Variants in KLHL40 observed in about 807,000 individuals in gnomAD.
The protein encoded by KLHL40 is kelch like family member 40.
Under a neutral mutation model 49.7 loss-of-function variants are expected in KLHL40, and 44 were observed. The observed-to-expected ratio is 0.89, with a 90% CI of 0.70 to 1.14. KLHL40 has a LOEUF of 1.14. KLHL40 is among the 50% of genes most tolerant of loss of function. The pLI is 0.00. For synonymous variants in KLHL40, 409 were observed against 365.2 expected, an observed-to-expected ratio of 1.12 and a Z score of -1.37; for missense variants, 892 against 850.3, an observed-to-expected ratio of 1.05 and a Z score of -0.61.
chr3:42,691,848 C>T (rs753074874), intron 5 of KLHL40, 34 bp from the exon 6 acceptor site: 3 of 1,409,116 alleles, frequency 2.1e-6, no homozygotes, highest in Non-Finnish European at 3.0e-6. Context: ...TGACCAAGCT[C>T]TCCATCCTTG....
chr3:42,686,037 G>C lies in KLHL40; in HGVS notation c.419G>C (p.Gly140Ala), dbSNP rs1403829228. Residue 140 changes from glycine (G) to alanine (A), a missense_variant, in exon 1 of 6, where the codon GGC becomes GCC. By Grantham distance (60) the Gly-to-Ala change is moderately conservative. Coordinates refer to ENST00000287777, the MANE Select transcript of KLHL40 (RefSeq NM_152393.4). Reference protein sequence around the residue: ...LSNCLAVFRLGLLLDCARLAV... With the variant: ...LSNCLAVFRLALLLDCARLAV... The stretch of plus-strand genomic sequence containing the variant: ...AACTGCTTGGCCGTCTTCCGTCTCG[G>C]CCTCCTGCTCGACTGCGCGCGTCTC... The C allele has an allele frequency of 6.2e-7, 1 of 1,608,268 alleles. No homozygotes were observed. The highest frequency in any genetic ancestry group is 1.3e-5 in the African/African-American group (1 of 74,916).
At chr3:42,686,883 G>A (rs541059292) in intron 1 of KLHL40, 113 bp downstream of exon 1, 14 of 929,972 alleles carry the variant, frequency 1.5e-5, no homozygotes, top group Non-Finnish European at 2.2e-5. Flanking sequence ...CTGGGTCTAG[G>A]GTGAGATGTA....
chr3:42,686,207 G>A lies in KLHL40; in HGVS notation c.589G>A (p.Ala197Thr). Reference sequence around the variant, plus strand: ...GGAGAAGGAGGAGGCAGTGTTCGAGGCGGTGATGCGGTGGGCGGGTAGCGG... The same window carrying A: ...GGAGAAGGAGGAGGCAGTGTTCGAGACGGTGATGCGGTGGGCGGGTAGCGG... ...NVEKEEAVFE[A>T]VMRWAGSGDA... The change falls in exon 1 of 6, where the codon GCG (alanine) becomes ACG (threonine). Residue 197 changes from alanine to threonine, a missense_variant. Transcript: ENST00000287777. 6.4e-7 allele frequency: 1 copy of A among 1,566,210 alleles called. No homozygotes were observed. The highest frequency in any genetic ancestry group is 8.6e-7 in the Non-Finnish European group (1 of 1,159,282).
chr3:42,686,863 G>A, intron 1 of KLHL40, 93 bp downstream of exon 1: 1 of 1,111,354 alleles, frequency 9.0e-7, no homozygotes, highest in Non-Finnish European at 1.3e-6. Context: ...GTCTACACAA[G>A]TGAATGCCAC....
In KLHL40 at chr3:42,685,703, C is replaced by A. The variant is rs370340355; in HGVS notation, c.85C>A (p.His29Asn). Residue 29 changes from histidine (H) to asparagine (N), a missense_variant, in exon 1 of 6, where the codon CAT becomes AAT. By Grantham distance (68) the His-to-Asn change is moderately conservative. Transcript: ENST00000287777. The part of the protein sequence containing the change: ...LQDGLKDMLD[H>N]GKFLDCVVRA... The stretch of plus-strand genomic sequence containing the variant: ...AGACGGGCTCAAAGACATGCTGGAC[C>A]ATGGCAAGTTCCTCGACTGTGTGGT... The A allele has an allele frequency of 6.2e-7, 1 of 1,613,244 alleles. No individual in the cohort carries two copies. The highest frequency in any genetic ancestry group is 1.1e-5 in the South Asian group (1 of 91,080).
chr3:42,690,841 C>A lies in KLHL40; in HGVS notation c.1608-18C>A. The stretch of plus-strand genomic sequence containing the variant: ...TTGCCGAGGCATCCCAATGATGCAC[C>A]TTCTCACACACCCCCAGGTGGGCAC... On this transcript the variant is annotated intron_variant, in intron 4 of 5. Coordinates refer to ENST00000287777, the MANE Select transcript of KLHL40 (RefSeq NM_152393.4). The A allele has an allele frequency of 3.2e-6, 5 of 1,579,648 alleles. No individual in the cohort carries two copies. Among genetic ancestry groups the A allele is most frequent in the Non-Finnish European group, 3.4e-6 (4 of 1,162,732 alleles).
In KLHL40 at chr3:42,686,271, C is replaced by T. The variant is rs1023047173; in HGVS notation, c.653C>T (p.Pro218Leu). The change falls in exon 1 of 6, where the codon CCC becomes CTC. Residue 218 changes from proline to leucine, a missense_variant. Coordinates refer to ENST00000287777, the MANE Select transcript of KLHL40 (RefSeq NM_152393.4). ...CAGGCTGAGCGCCAGCGCGCGCTGC[C>T]CACCGTCTTCGAGAGCGTGCGCTGC... ...EAQAERQRAL[P>L]TVFESVRCRL... 27 of 1,562,138 alleles carry T rather than the reference C, an allele frequency of 1.7e-5. No individual in the cohort carries two copies. Among genetic ancestry groups the T allele is most frequent in the East Asian group, 1.2e-4 (5 of 42,038 alleles).
chr3:42,685,930 G>T lies in KLHL40; in HGVS notation c.312G>T (p.Leu104Phe). The change falls in exon 1 of 6, where the codon TTG (leucine) becomes TTT (phenylalanine). Residue 104 changes from leucine to phenylalanine, a missense_variant. Leu to Phe is a conservative substitution (Grantham distance 22, BLOSUM62 0). Coordinates refer to ENST00000287777, the MANE Select transcript of KLHL40 (RefSeq NM_152393.4). ...IALDEASVQDLFAAAHRFQIP... is the reference protein window; with the variant it reads ...IALDEASVQDFFAAAHRFQIP... ...TGGATGAGGCGAGCGTGCAGGATTT[G>T]TTCGCCGCGGCACACCGCTTCCAGA... 1.2e-6 allele frequency: 2 copies of T among 1,611,718 alleles called. No individual in the cohort carries two copies. The highest frequency in any genetic ancestry group is 1.7e-6 in the Non-Finnish European group (2 of 1,179,990).
chr3:42,686,200 G>T lies in KLHL40; in HGVS notation c.582G>T (p.Val194=). 6.4e-7 allele frequency: 1 copy of T among 1,571,898 alleles called. No homozygotes were observed. Residue 194 remains valine, a synonymous_variant, in exon 1 of 6, where the codon GTG becomes GTT. Coordinates refer to ENST00000287777, the MANE Select transcript of KLHL40 (RefSeq NM_152393.4). ...DGLNVEKEEA[V]FEAVMRWAGS... ...TTAACGTGGAGAAGGAGGAGGCAGT[G>T]TTCGAGGCGGTGATGCGGTGGGCGG...
chr3:42,686,117 G>A lies in KLHL40; in HGVS notation c.499G>A (p.Ala167Thr). 1.9e-6 allele frequency: 3 copies of A among 1,600,234 alleles called. No homozygotes were observed. Among genetic ancestry groups the A allele is most frequent in the Non-Finnish European group, 2.5e-6 (3 of 1,179,276 alleles). The stretch of plus-strand genomic sequence containing the variant: ...TCACTTCACGCTGGTGGCGCGCGAC[G>A]CTGACTTCCTCGGACTCTCGGCCGA... ...CAHFTLVARD[A>T]DFLGLSADEL... The change falls in exon 1 of 6, where the codon GCT becomes ACT. Residue 167 changes from alanine (A) to threonine (T), a missense_variant. Coordinates refer to ENST00000287777, the MANE Select transcript of KLHL40 (RefSeq NM_152393.4).
Position 42,690,280 on chromosome 3 carries a change from C to T in KLHL40, c.1608-579C>T, listed in dbSNP as rs145577691. The stretch of plus-strand genomic sequence containing the variant: ...AGGAAGGAGGCCACGAAGGTGAGGC[C>T]GAAGAGATGGGTGAGGAAAGTCACG... On this transcript the variant is annotated intron_variant, in intron 4 of 5. Coordinates refer to ENST00000287777, the MANE Select transcript of KLHL40 (RefSeq NM_152393.4). 9.2e-5 allele frequency among the ~76,000 whole-genome samples: 14 copies of T among 152,164 alleles called. No homozygotes were observed. The South Asian group carries it at 1.5e-3, about 16-fold the overall frequency.
Position 42,688,344 on chromosome 3 carries a change from T to A in KLHL40, c.1313+42T>A. 1 of 1,558,640 alleles carries A rather than the reference T, an allele frequency of 6.4e-7. No homozygotes were observed. Reference sequence around the variant, plus strand: ...TGGGGCTGAGCTCCGTGGGGGTGAGTGGGGCATGGAGGCCGCAGCTGGTCT... The same window carrying A: ...TGGGGCTGAGCTCCGTGGGGGTGAGAGGGGCATGGAGGCCGCAGCTGGTCT... On this transcript the variant is annotated intron_variant, in intron 2 of 5. Transcript: ENST00000287777. This position sits in a 1 kb window ranked among gnomAD's most constrained non-coding sequence, Gnocchi z 4.2.
At position 42,690,882 on chromosome 3, in the gene KLHL40, C is replaced by T. The variant is rs1281737137; in HGVS notation, c.1631C>T (p.Pro544Leu). ...AGGTGGGCACCCTTCGAGGCCTTCCCACAGGAGCGTAGCTCACTCAGCCTG... is the reference window on the plus strand; with the variant it reads ...AGGTGGGCACCCTTCGAGGCCTTCCTACAGGAGCGTAGCTCACTCAGCCTG... ...DNKWAPFEAFPQERSSLSLVS... is the reference protein window; with the variant it reads ...DNKWAPFEAFLQERSSLSLVS... Residue 544 changes from proline to leucine, a missense_variant, in exon 5 of 6, where the codon CCA (proline) becomes CTA (leucine). By Grantham distance (98) the Pro-to-Leu change is moderately conservative (BLOSUM62 -3). Transcript: ENST00000287777. 1.9e-6 allele frequency: 3 copies of T among 1,612,098 alleles called. No individual in the cohort carries two copies. Among genetic ancestry groups the T allele is most frequent in the Admixed American group, 3.3e-5 (2 of 59,780 alleles).
At position 42,688,469 on chromosome 3, in the gene KLHL40, C is replaced by T. The variant is rs2125845408; in HGVS notation, c.1314-141C>T. The stretch of plus-strand genomic sequence containing the variant: ...TGGGGGGCAGGGTGGGATCAAAGAA[C>T]TGAGAGGCCTCGGAAGTTCCAGCAA... On this transcript the variant is annotated intron_variant, in intron 2 of 5. Transcript: ENST00000287777. The surrounding 1 kb of genome is among the most constrained non-coding windows in gnomAD (Gnocchi z 4.2). The T allele has an allele frequency of 6.3e-6, 6 of 955,080 alleles. No homozygotes were observed. In the East Asian group the frequency reaches 1.6e-4, roughly 25 times the overall value. 59.2% of individuals were successfully genotyped at this position (955,080 alleles called of 1,614,324 possible).
chr3:42,692,071 A>G lies in KLHL40; in HGVS notation c.*78A>G. On this transcript the variant is annotated 3_prime_UTR_variant, in exon 6 of 6. Coordinates refer to ENST00000287777, the MANE Select transcript of KLHL40 (RefSeq NM_152393.4). ...GCCTGGCCTTGTGGGGGCTCCAGAA[A>G]AGAGGCTAGGAGAGGCCAGAGTCTA... is the stretch of plus-strand genomic sequence containing the variant. 1 of 905,368 alleles carries G rather than the reference A, an allele frequency of 1.1e-6. No homozygotes were observed. The highest frequency in any genetic ancestry group is 1.8e-6 in the Non-Finnish European group (1 of 542,808). The allele number at this position is 905,368 out of a possible 1,614,324, so 56.1% of individuals were successfully genotyped here.
At position 42,685,766 on chromosome 3, in the gene KLHL40, G is replaced by GT. The variant is rs1697260363; in HGVS notation, c.149dup (p.Leu51AlafsTer48). ...GCGCGAGTTCCCGTGCCATCGCCTG[G>GT]TGCTGGCCGCCTGCAGCCCCTACTT... On this transcript the variant is annotated frameshift_variant, in exon 1 of 6. Transcript: ENST00000287777. LOFTEE classifies it high-confidence loss of function. The GT allele has an allele frequency of 6.2e-7, 1 of 1,612,340 alleles. No individual in the cohort carries two copies. The highest frequency in any genetic ancestry group is 1.7e-5 in the Admixed American group (1 of 59,956).
rs1294893514 is a variant in KLHL40, at chr3:42,692,127, G to A, written c.*134G>A. On this transcript the variant is annotated 3_prime_UTR_variant, in exon 6 of 6. Coordinates refer to ENST00000287777, the MANE Select transcript of KLHL40 (RefSeq NM_152393.4). ...ATCCAGTTATGGTGCCTCAGGGGCT[G>A]CGTCAGCCAAGGAAAGGGAAGTGCT... 9 of 642,400 alleles carry A rather than the reference G, an allele frequency of 1.4e-5. No homozygotes were observed. Among genetic ancestry groups the A allele is most frequent in the African/African-American group, 9.1e-5 (5 of 55,134 alleles). 39.8% of individuals were successfully genotyped at this position (642,400 alleles called of 1,614,324 possible). A position where few individuals can be genotyped will look rare whatever the true frequency, so the allele number is the denominator to read the frequency against.
Position 42,688,553 on chromosome 3 carries a change from G to C in KLHL40, c.1314-57G>C. 3 of 1,309,442 alleles carry C rather than the reference G, an allele frequency of 2.3e-6. No individual in the cohort carries two copies. Among genetic ancestry groups the C allele is most frequent in the Non-Finnish European group, 3.3e-6 (3 of 910,254 alleles). 81.1% of individuals were successfully genotyped at this position (1,309,442 alleles called of 1,614,324 possible). ...GATGGGCGGATGGGTGCAGAGACAG[G>C]GACTGAGCCGAGCCTGGATGGGTGC... On this transcript the variant is annotated intron_variant, in intron 2 of 5. Transcript: ENST00000287777. This position sits in a 1 kb window ranked among gnomAD's most constrained non-coding sequence, Gnocchi z 4.2.
chr3:42,690,760 T>C, intron 4 of KLHL40, 99 bp from the exon 5 acceptor site: 1 of 1,334,534 alleles, frequency 7.5e-7, no homozygotes, highest in Non-Finnish European at 1.0e-6. Context: ...GGACTTGGAT[T>C]GCAAAGGGTT....
Sources: allele counts gnomAD v4.1 joint callset (sites outside exome capture counted in the v4.1 genomes callset), GRCh38; gene constraint gnomAD v4.1.1; non-coding constraint Gnocchi (gnomAD v3.1); transcripts MANE v1.5; gene names NCBI Gene and HGNC (gene_info 2026-07-23, HGNC 2026-07-21).